SARDH: variants seen among roughly 807,000 people sequenced by gnomAD.
SARDH encodes sarcosine dehydrogenase, also known as sarcosine dehydrogenase, mitochondrial.
A neutral mutation model predicts 109.1 loss-of-function variants in SARDH; 95 were observed. The ratio of observed to expected loss-of-function variants is 0.87; its 90% CI spans 0.74 to 1.03. The LOEUF (loss-of-function observed/expected upper bound fraction) is 1.03. Ranked by LOEUF, SARDH falls within the 50% of genes least tolerant of loss-of-function variation. The pLI is 0.00. For missense variants in SARDH, 1,267 were observed against 1,287.8 expected, an observed-to-expected ratio of 0.98 and a Z score of 0.25; for synonymous variants, 572 against 534.8, an observed-to-expected ratio of 1.07 and a Z score of -0.96.
Position 133,692,062 on chromosome 9 carries a change from C to A in SARDH, c.1922-1535G>T, listed in dbSNP as rs148998061. Among the ~76,000 whole-genome samples the A allele has an allele frequency of 6.8e-4, 103 of 152,264 alleles. No individual in the cohort carries two copies. The East Asian group carries it at 0.012, about 17-fold the overall frequency. On this transcript the variant is annotated intron_variant, in intron 15 of 20. Transcript: ENST00000439388. This position sits in a 1 kb window ranked among gnomAD's most constrained non-coding sequence, Gnocchi z 5.0. ...GACAGCTTCCCCTTATGAGGGGGGA[C>A]GAGCAAGGTCCTCATTCCCCAGCCA...
chr9:133,677,259 C>A (rs1027576783), intron 17 of SARDH, among the ~76,000 whole-genome samples: 4 of 151,846 alleles, frequency 2.6e-5, no homozygotes, highest in African/African-American at 9.7e-5. Context: ...ACATAACTGT[C>A]AGCCTGGAAA....
Position 133,702,901 on chromosome 9 carries a change from A to G in SARDH, c.1668+15T>C, listed in dbSNP as rs765624801. 80 of 1,606,596 alleles carry G rather than the reference A, an allele frequency of 5.0e-5. 1 individual carries two copies. The South Asian group carries it at 8.5e-4, about 17-fold the overall frequency. On this transcript the variant is annotated intron_variant, in intron 13 of 20. Coordinates refer to ENST00000439388, the MANE Select transcript of SARDH (RefSeq NM_001134707.2). ...GCAGAAGGACGGACCCCCACGGTGGACCCCAGCTACGCACCGTGTCGTGGT... is the reference window on the plus strand; with the variant it reads ...GCAGAAGGACGGACCCCCACGGTGGGCCCCAGCTACGCACCGTGTCGTGGT...
chr9:133,711,786 C>T (rs1016531482), intron 10 of SARDH, among the ~76,000 whole-genome samples: 3 of 152,150 alleles, frequency 2.0e-5, no homozygotes, highest in Non-Finnish European at 4.4e-5. Flanking sequence ...TGGAGAGACC[C>T]GGAGGCCGGG....
rs1831156625 is a variant in SARDH, at chr9:133,692,969, TC to T, written c.1921+1288del. Among the ~76,000 whole-genome samples the T allele has an allele frequency of 7.2e-5, 11 of 151,794 alleles. No individual in the cohort carries two copies. The highest frequency in any genetic ancestry group is 7.2e-4 in the Admixed American group (11 of 15,248). On this transcript the variant is annotated intron_variant, in intron 15 of 20. Coordinates refer to ENST00000439388, the MANE Select transcript of SARDH (RefSeq NM_001134707.2). The surrounding 1 kb of genome is among the most constrained non-coding windows in gnomAD (Gnocchi z 5.0). The stretch of plus-strand genomic sequence containing the variant: ...CAGACCGCAGGGCTCACCTCACTAC[TC>T]CCTGCTTTTGGCAGAACCGCAGAGG...
intron 1 of SARDH, among the ~76,000 whole-genome samples, chr9:133,735,718 G>A (rs1832860775): frequency 6.6e-6 from 1 of 152,200 alleles, no homozygotes; most frequent in Non-Finnish European, 1.5e-5. Flanking sequence ...CATTCTAATA[G>A]TAAAAAAACA....
At chr9:133,694,100 C>G (rs996073845) in intron 15 of SARDH, among the ~76,000 whole-genome samples, 158 bp downstream of exon 15, 2 of 152,356 alleles carry the variant, frequency 1.3e-5, no homozygotes, top group Non-Finnish European at 2.9e-5. Context: ...TAGCCTGAAA[C>G]GAGACCTCTA....
chr9:133,718,165 G>A lies in SARDH; in HGVS notation c.1021-710C>T, dbSNP rs567642770. Among the ~76,000 whole-genome samples, 14 of 152,230 alleles carry A rather than the reference G, an allele frequency of 9.2e-5. No individual in the cohort carries two copies. Among genetic ancestry groups the A allele is most frequent in the African/African-American group, 3.1e-4 (13 of 41,520 alleles). ...CGGCTCACTGCCACCTCCATCTCCC[G>A]GGTTCAAGTGATTCTCCTGCCTCAG... On this transcript the variant is annotated intron_variant, in intron 7 of 20. Transcript: ENST00000439388. The surrounding 1 kb of genome is among the most constrained non-coding windows in gnomAD (Gnocchi z 4.2).
In SARDH at chr9:133,690,443, G is replaced by T; in HGVS notation, c.2006C>A (p.Ser669Tyr). 6.2e-7 allele frequency: 1 copy of T among 1,613,176 alleles called. No homozygotes were observed. Residue 669 changes from serine (S) to tyrosine (Y), a missense_variant, in exon 16 of 21, where the codon TCC (serine) becomes TAC (tyrosine). Coordinates refer to ENST00000439388, the MANE Select transcript of SARDH (RefSeq NM_001134707.2). Reference sequence around the variant, plus strand: ...GGAGCTGTCGATGAGCTGGCACTGGGACTTCTGGTCCTGCAGCACGGTGGT... The same window carrying T: ...GGAGCTGTCGATGAGCTGGCACTGGTACTTCTGGTCCTGCAGCACGGTGGT... ...HITTVLQDQK[S>Y]QCQLIDSSED... is the part of the protein sequence containing the mutation.
chr9:133,732,750 T>G, intron 2 of SARDH, 149 bp from the exon 3 acceptor site: 1 of 876,066 alleles, frequency 1.1e-6, no homozygotes, highest in East Asian at 2.7e-5. Flanking sequence ...CCTGGAGAGG[T>G]TGTTGAGCAG....
intron 13 of SARDH, among the ~76,000 whole-genome samples, chr9:133,698,022 G>A (rs2427997): frequency 0.44 from 55,175 of 125,172 alleles, 12,812 homozygotes; most frequent in Non-Finnish European, 0.47. Flanking sequence ...AAAAAAAAAA[G>A]AAAAAAAAGA....
At chr9:133,663,023 A>AGGGT (rs962792714), downstream of SARDH, among the ~76,000 whole-genome samples, 13 of 152,174 alleles carry the variant, frequency 8.5e-5, no homozygotes, top group Non-Finnish European at 1.8e-4. Context: ...AGCCTAAGAG[A>AGGGT]GGGTCCTCCT....
upstream of SARDH, chr9:133,739,767 G>T (rs1832997942): frequency 6.6e-6 from 1 of 152,348 alleles, no homozygotes; most frequent in Admixed American, 6.5e-5. Context: ...GCCTGAGCTA[G>T]GGCTGTGCTC....
In SARDH at chr9:133,708,315, C is replaced by T. The variant is rs35699831; in HGVS notation, c.1442G>A (p.Arg481His). Residue 481 changes from arginine to histidine, a missense_variant, in exon 11 of 21, where the codon CGC (arginine) becomes CAC (histidine). By Grantham distance (29) the Arg-to-His change is conservative (BLOSUM62 0). Transcript: ENST00000439388. ...GTGCAGCGGGTCTCTCCTCATGTTG[C>T]GCCCGGCCAGCGGCTCATCGTGGGG... ...VFPHDEPLAG[R>H]NMRRDPLHEE... 9.8e-4 allele frequency: 1,577 copies of T among 1,613,198 alleles called. 1 individual carries two copies. Among genetic ancestry groups the T allele is most frequent in the Admixed American group, 1.7e-3 (100 of 59,984 alleles).
At position 133,667,618 on chromosome 9, in the gene SARDH, G is replaced by C. The variant is rs931663331; in HGVS notation, c.2496-748C>G. The stretch of plus-strand genomic sequence containing the variant: ...AAATCAAAGAAAGGCCAGCACCCAG[G>C]GCTAACTGGTAACATTTTGTTGCCA... On this transcript the variant is annotated intron_variant, in intron 19 of 20. Transcript: ENST00000439388. Among the ~76,000 whole-genome samples, 25 of 152,012 alleles carry C rather than the reference G, an allele frequency of 1.6e-4. 1 individual carries two copies. Among genetic ancestry groups the C allele is most frequent in the African/African-American group, 6.0e-4 (25 of 41,482 alleles).
At chr9:133,696,828 C>T (rs892684857) in intron 13 of SARDH, among the ~76,000 whole-genome samples, 1 of 151,994 alleles carries the variant, frequency 6.6e-6, no homozygotes, top group Admixed American at 6.6e-5. Flanking sequence ...GCAGCTAAAG[C>T]GATGCTCACA....
intron 17 of SARDH, among the ~76,000 whole-genome samples, chr9:133,675,206 T>C (rs1394851665): frequency 1.3e-5 from 2 of 151,952 alleles, no homozygotes; most frequent in Admixed American, 6.6e-5. Flanking sequence ...AAAAAATTAG[T>C]TGGGCATGGT....
At chr9:133,713,334 G>T (rs114617698) in intron 8 of SARDH, among the ~76,000 whole-genome samples, 398 of 152,178 alleles carry the variant, frequency 2.6e-3, no homozygotes, top group African/African-American at 9.0e-3. Context: ...CACGTGTGCT[G>T]CCAGAACCAG....
downstream of SARDH, among the ~76,000 whole-genome samples, chr9:133,662,167 T>G (rs1388626662): frequency 6.6e-6 from 1 of 151,922 alleles, no homozygotes; most frequent in African/African-American, 2.4e-5. The surrounding 1 kb of genome is among the most constrained non-coding windows in gnomAD (Gnocchi z 5.1). Flanking sequence ...CTGGGTTCTC[T>G]CTCCTCGGGA....
At chr9:133,699,507 A>AAATAAT (rs374249778) in intron 13 of SARDH, among the ~76,000 whole-genome samples, 9 of 151,562 alleles carry the variant, frequency 5.9e-5, no homozygotes, top group Admixed American at 2.6e-4. Context: ...ACCCTGTCTC[A>AAATAAT]AATAATAATA....
Sources: gnomAD v4.1 joint callset for allele counts (sites outside exome capture counted in the v4.1 genomes callset) on GRCh38, gnomAD v4.1.1 for gene constraint, Gnocchi (gnomAD v3.1) non-coding constraint, MANE v1.5 for transcripts, NCBI Gene and HGNC (gene_info 2026-07-23, HGNC 2026-07-21) for gene names.